Variants in KCNH5 observed in about 807,000 individuals in gnomAD.
KCNH5 encodes voltage-gated delayed rectifier potassium channel KCNH5.
A neutral mutation model predicts 96.1 loss-of-function variants in KCNH5; 46 were observed. The ratio of observed to expected loss-of-function variants is 0.48; its 90% CI spans 0.38 to 0.61. The LOEUF (loss-of-function observed/expected upper bound fraction) is 0.61. Ranked by LOEUF, KCNH5 falls within the 20% of genes least tolerant of loss-of-function variation. The probability of loss-of-function intolerance (pLI) is 0.00; values close to 1 mark genes in which losing one functional copy is unlikely to be tolerated. For missense variants in KCNH5, 907 were observed against 1,225.8 expected (o/e 0.74, Z 3.88); for synonymous variants, 439 against 449.8 (o/e 0.98, Z 0.30).
chr14:62,873,806 G>C (rs2140068922), intron 7 of KCNH5, among the ~76,000 whole-genome samples: 1 of 152,282 alleles, frequency 6.6e-6, no homozygotes, highest in African/African-American at 2.4e-5. Flanking sequence ...GCCTCAAGGG[G>C]TGACTGTCAC....
chr14:62,799,448 C>T (rs1190692411), intron 9 of KCNH5, among the ~76,000 whole-genome samples: 1 of 150,556 alleles, frequency 6.6e-6, no homozygotes, highest in Non-Finnish European at 1.5e-5. Flanking sequence ...TGGTGCATGC[C>T]TGTAATCCCA....
At chr14:62,971,076 G>A (rs1261936899) in intron 6 of KCNH5, among the ~76,000 whole-genome samples, 1 of 152,082 alleles carries the variant, frequency 6.6e-6, no homozygotes, top group Non-Finnish European at 1.5e-5. Context: ...ATTGTTCACA[G>A]ATGATTATCC....
intron 7 of KCNH5, among the ~76,000 whole-genome samples, chr14:62,914,633 C>T (rs1889238906): frequency 6.6e-6 from 1 of 152,154 alleles, no homozygotes; most frequent in South Asian, 2.1e-4. Flanking sequence ...GTATGTGTTT[C>T]TTTGGAGGTC....
intron 8 of KCNH5, among the ~76,000 whole-genome samples, chr14:62,811,629 G>T (rs1317679963): frequency 6.6e-6 from 1 of 152,038 alleles, no homozygotes; most frequent in Non-Finnish European, 1.5e-5. Context: ...TGTTGTTGTT[G>T]TTTTTAAATA....
chr14:62,765,943 T>A (rs1335282918), intron 10 of KCNH5, among the ~76,000 whole-genome samples: 1 of 152,114 alleles, frequency 6.6e-6, no homozygotes, highest in Non-Finnish European at 1.5e-5. Flanking sequence ...AAACTACCCA[T>A]CTGTCATGGA....
chr14:63,018,160 C>T (rs1323371029), intron 1 of KCNH5, among the ~76,000 whole-genome samples: 1 of 151,846 alleles, frequency 6.6e-6, no homozygotes, highest in Non-Finnish European at 1.5e-5. Context: ...AAAAGATAAA[C>T]CCTTGAAAAA....
intron 9 of KCNH5, 127 bp downstream of exon 9, chr14:62,802,202 A>G: frequency 1.2e-6 from 1 of 821,208 alleles, no homozygotes; most frequent in East Asian, 2.6e-5. Flanking sequence ...ATTAAGATTC[A>G]CGTCTCATTA....
chr14:62,828,723 G>C (rs1384443147), intron 8 of KCNH5, among the ~76,000 whole-genome samples: 1 of 152,076 alleles, frequency 6.6e-6, no homozygotes, highest in East Asian at 1.9e-4. Flanking sequence ...TGGGGACACA[G>C]ACCCAAAGCA....
chr14:62,832,975 T>A (rs1887387281), intron 8 of KCNH5, among the ~76,000 whole-genome samples: 1 of 133,454 alleles, frequency 7.5e-6, no homozygotes, highest in Non-Finnish European at 1.6e-5. Context: ...TTTGTGGGTT[T>A]TTGCTATTGA....
chr14:62,786,393 A>T (rs915436271), intron 9 of KCNH5, among the ~76,000 whole-genome samples: 11 of 151,984 alleles, frequency 7.2e-5, no homozygotes, highest in Non-Finnish European at 1.6e-4. Flanking sequence ...TTCTTTTTTT[A>T]GTAAGTTTTA....
At chr14:62,748,480 A>G (rs1330280911) in intron 10 of KCNH5, among the ~76,000 whole-genome samples, 1 of 152,156 alleles carries the variant, frequency 6.6e-6, no homozygotes, top group African/African-American at 2.4e-5. Flanking sequence ...CTGAAGATGC[A>G]GCCCAGCAAG....
chr14:62,799,691 TTATA>T (rs71410693), intron 9 of KCNH5, among the ~76,000 whole-genome samples: 3,982 of 57,948 alleles, frequency 0.069, 228 homozygotes, highest in African/African-American at 0.15. Context: ...GTATATACCT[TTATA>T]TATATATATA....
intron 7 of KCNH5, among the ~76,000 whole-genome samples, chr14:62,899,558 G>A (rs565899945): frequency 4.6e-5 from 7 of 152,232 alleles, no homozygotes; most frequent in East Asian, 1.9e-4. Context: ...GAGGCCGGGC[G>A]CGGTGGCTCA....
At chr14:62,732,019 G>T (rs1301783019) in intron 10 of KCNH5, among the ~76,000 whole-genome samples, 1 of 152,084 alleles carries the variant, frequency 6.6e-6, no homozygotes, top group African/African-American at 2.4e-5. Flanking sequence ...AAATTTTCTT[G>T]TTCTTGGCCA....
intron 7 of KCNH5, among the ~76,000 whole-genome samples, chr14:62,936,007 C>A (rs1470282092): frequency 6.6e-6 from 1 of 151,980 alleles, no homozygotes; most frequent in African/African-American, 2.4e-5. Context: ...TCCAGCAAAA[C>A]AAACAGAGAA....
chr14:62,858,487 C>A (rs1887972829), intron 7 of KCNH5, among the ~76,000 whole-genome samples: 1 of 152,160 alleles, frequency 6.6e-6, no homozygotes, highest in African/African-American at 2.4e-5. Flanking sequence ...AAGTGTGGGA[C>A]AATCACCCAA....
At chr14:62,818,117 G>GGGGGGGGA (rs1887036400) in intron 8 of KCNH5, among the ~76,000 whole-genome samples, 1 of 115,402 alleles carries the variant, frequency 8.7e-6, no homozygotes, top group Admixed American at 9.4e-5. Context: ...GGCGGGGGGG[G>GGGGGGGGA]GGTGGAAGAA....
intron 8 of KCNH5, among the ~76,000 whole-genome samples, chr14:62,832,101 A>C (rs942305954): frequency 2.0e-4 from 31 of 152,228 alleles, no homozygotes; most frequent in African/African-American, 7.2e-4. Flanking sequence ...AAAACACATA[A>C]TCATAAAAAT....
chr14:62,818,426 A>T (rs1566670823), intron 8 of KCNH5, among the ~76,000 whole-genome samples: 1 of 152,300 alleles, frequency 6.6e-6, no homozygotes, highest in East Asian at 1.9e-4. Flanking sequence ...AAGGTTCTAA[A>T]ACCATTAAGT....
Sources: gnomAD v4.1 joint callset for allele counts (sites outside exome capture counted in the v4.1 genomes callset) on GRCh38, gnomAD v4.1.1 for gene constraint, MANE v1.5 for transcripts, NCBI Gene and HGNC (gene_info 2026-07-23, HGNC 2026-07-21) for gene names.